SEL1L3: variants seen among roughly 807,000 people sequenced by gnomAD.
SEL1L3 encodes the protein SEL1L family member 3.
A neutral mutation model predicts 142.8 loss-of-function variants in SEL1L3; 76 were observed. That is an observed-to-expected ratio of 0.53 (90% CI 0.44 to 0.64). The LOEUF (loss-of-function observed/expected upper bound fraction) is 0.64, where lower values mean the gene tolerates loss of function less well. Among genes scored for constraint, SEL1L3 ranks in the 30% least tolerant of loss-of-function variants. The pLI, the probability that SEL1L3 is intolerant of heterozygous loss-of-function variation, is 0.00. For missense variants in SEL1L3, 1,262 were observed against 1,381.7 expected (o/e 0.91, Z 1.37); for synonymous variants, 504 against 519.6 (o/e 0.97, Z 0.41).
At chr4:25,800,964 G>T (rs2109217291) in intron 11 of SEL1L3, among the ~76,000 whole-genome samples, 1 of 152,292 alleles carries the variant, frequency 6.6e-6, no homozygotes, top group Non-Finnish European at 1.5e-5. Flanking sequence ...TGAATTTTCT[G>T]CATTGAGGAT....
chr4:25,764,603 T>C (rs555054152), intron 20 of SEL1L3, among the ~76,000 whole-genome samples: 10 of 152,346 alleles, frequency 6.6e-5, no homozygotes, highest in Admixed American at 6.5e-4. Flanking sequence ...CACTTCCTAC[T>C]GTGGATGCAC....
chr4:25,819,153 A>G (rs1489343483), intron 8 of SEL1L3, among the ~76,000 whole-genome samples: 2 of 152,248 alleles, frequency 1.3e-5, no homozygotes, highest in East Asian at 1.9e-4. Flanking sequence ...GAAATGTGTA[A>G]GTGCTAGATC....
the SEL1L3 span, among the ~76,000 whole-genome samples, chr4:25,736,367 C>A: frequency 2.6e-5 from 4 of 151,396 alleles, no homozygotes. Flanking sequence ...GGGATTACAG[C>A]GGCTCACCAC....
intron 2 of SEL1L3, among the ~76,000 whole-genome samples, chr4:25,844,589 C>T (rs956336426): frequency 6.6e-6 from 1 of 152,152 alleles, no homozygotes; most frequent in African/African-American, 2.4e-5. Flanking sequence ...ATTCAGGTGC[C>T]CTAAGAACTG....
intron 9 of SEL1L3, among the ~76,000 whole-genome samples, chr4:25,815,830 G>C (rs898925594): frequency 2.7e-5 from 4 of 150,460 alleles, no homozygotes; most frequent in Admixed American, 2.0e-4. Flanking sequence ...GGGAGCATTT[G>C]GCAATACCAG....
chr4:25,732,260 T>C, the SEL1L3 span, among the ~76,000 whole-genome samples: 1 of 152,186 alleles, frequency 6.6e-6, no homozygotes, highest in Admixed American at 6.5e-5. Context: ...CATTTAAACT[T>C]GAATTTCGGA....
chr4:25,717,631 A>T, the SEL1L3 span, among the ~76,000 whole-genome samples: 1 of 152,144 alleles, frequency 6.6e-6, no homozygotes, highest in African/African-American at 2.4e-5. Flanking sequence ...GGGCCACTGC[A>T]CTCCAGCCTG....
intron 6 of SEL1L3, among the ~76,000 whole-genome samples, chr4:25,828,376 T>C (rs1715224704): frequency 6.6e-6 from 1 of 151,764 alleles, no homozygotes. Context: ...CTGCATTTCT[T>C]TTCTTATCTT....
intron 1 of SEL1L3, among the ~76,000 whole-genome samples, chr4:25,860,862 C>T (rs1276432987): frequency 6.6e-6 from 1 of 152,194 alleles, no homozygotes; most frequent in Non-Finnish European, 1.5e-5. Flanking sequence ...TTCACTATCT[C>T]ACTTGAGTCT....
chr4:25,733,078 C>T, the SEL1L3 span, among the ~76,000 whole-genome samples: 1 of 151,218 alleles, frequency 6.6e-6, no homozygotes. Context: ...TTTTTTTTCC[C>T]AACTGGGCTT....
chr4:25,760,230 G>C (rs1166087487), intron 20 of SEL1L3, among the ~76,000 whole-genome samples: 1 of 152,170 alleles, frequency 6.6e-6, no homozygotes, highest in Non-Finnish European at 1.5e-5. Flanking sequence ...CTCCATCCAT[G>C]TTCCTGCAAA....
At chr4:25,823,553 T>C (rs1027056625) in intron 6 of SEL1L3, among the ~76,000 whole-genome samples, 1 of 151,772 alleles carries the variant, frequency 6.6e-6, no homozygotes, top group African/African-American at 2.4e-5. Context: ...AAAATAAAAA[T>C]AACAAGAATT....
Position 25,833,018 on chromosome 4 carries a change from C to T in SEL1L3, c.1075G>A (p.Asp359Asn). 1 of 1,606,460 alleles carries T rather than the reference C, an allele frequency of 6.2e-7. No individual in the cohort carries two copies. Among genetic ancestry groups the T allele is most frequent in the Non-Finnish European group, 8.5e-7 (1 of 1,173,178 alleles). ...ACCTGGCCTCCGTTAAAAGAGATAT[C>T]CAGTCGAAACCACTCCTTCAAAGGT... The part of the protein sequence containing the change: ...IIPLKEWFRL[D>N]ISFNGGQIVV... Residue 359 changes from aspartate (D) to asparagine (N), a missense_variant, in exon 5 of 24, where the codon GAT becomes AAT. This residue lies in a region of SEL1L3 where 689 missense variants were observed against 692.8 expected (regional missense o/e 0.99). Transcript: ENST00000399878.
intron 1 of SEL1L3, among the ~76,000 whole-genome samples, chr4:25,849,260 C>T (rs1054622400): frequency 7.9e-5 from 12 of 152,154 alleles, no homozygotes; most frequent in African/African-American, 2.7e-4. Context: ...ATTACTCACG[C>T]TAGCCAAAAG....
chr4:25,733,725 CTG>C, the SEL1L3 span, among the ~76,000 whole-genome samples: 3 of 151,824 alleles, frequency 2.0e-5, no homozygotes. Flanking sequence ...TTCACTATGA[CTG>C]GTCTCGAACT....
chr4:25,731,009 C>T, the SEL1L3 span, among the ~76,000 whole-genome samples: 2 of 152,140 alleles, frequency 1.3e-5, no homozygotes, highest in African/African-American at 4.8e-5. Flanking sequence ...CCAGCCTGAG[C>T]AACAGAGCGA....
the SEL1L3 span, among the ~76,000 whole-genome samples, chr4:25,734,463 T>C: frequency 3.9e-5 from 6 of 152,356 alleles, no homozygotes; most frequent in Admixed American, 6.5e-5. Flanking sequence ...TATCGATTGG[T>C]TTTAAATGTT....
chr4:25,820,057 T>C, intron 7 of SEL1L3, 117 bp from the exon 8 acceptor site: 1 of 921,866 alleles, frequency 1.1e-6, no homozygotes, highest in East Asian at 2.7e-5. Flanking sequence ...GGTGGCTCGT[T>C]TGTACACATA....
chr4:25,838,638 C>A (rs1371901534), intron 2 of SEL1L3, among the ~76,000 whole-genome samples: 1 of 152,186 alleles, frequency 6.6e-6, no homozygotes, highest in Non-Finnish European at 1.5e-5. Context: ...TCACCTTGAA[C>A]CTCCAAGGCC....
Sources: gnomAD v4.1 joint callset for allele counts (sites outside exome capture counted in the v4.1 genomes callset) on GRCh38, gnomAD v4.1.1 for gene constraint, gnomAD v4.1.1 regional missense constraint, MANE v1.5 for transcripts, NCBI Gene and HGNC (gene_info 2026-07-23, HGNC 2026-07-21) for gene names.